The following RAI1 variants were observed in gnomAD, a reference collection of about 807,000 sequenced individuals.
RAI1 encodes retinoic acid-induced protein 1.
RAI1 carries 9 observed loss-of-function variants against 123.8 expected under a neutral mutation model. The observed-to-expected ratio is 0.07, with a 90% CI of 0.04 to 0.13. The LOEUF is 0.13. RAI1 is among the 10% of genes least tolerant of loss of function. The pLI, the probability that RAI1 is intolerant of heterozygous loss-of-function variation, is 1.00. For missense variants in RAI1, 2,256 were observed against 2,545.8 expected, an observed-to-expected ratio of 0.89 and a Z score of 2.45; for synonymous variants, 1,231 against 1,127.3, an observed-to-expected ratio of 1.09 and a Z score of -1.84.
chr17:17,695,047 G>A (rs755863713), intron 1 of RAI1, among the ~76,000 whole-genome samples: 12 of 152,148 alleles, frequency 7.9e-5, no homozygotes, highest in Non-Finnish European at 1.3e-4. Context: ...TACCGAGCCC[G>A]GCAACCCCAC....
At position 17,750,546 on chromosome 17, in the gene RAI1, A is replaced by ATC. The variant is rs1336777333; in HGVS notation, c.-17+26387_-17+26388insTC. On this transcript the variant is annotated intron_variant, in intron 2 of 5. Coordinates refer to ENST00000353383, the MANE Select transcript of RAI1 (RefSeq NM_030665.4). ...AGACCAGCCTAACCAACATGGAGAA[A>ATC]CCTTGTCTCTACTAAAAATACAAAA... Among the ~76,000 whole-genome samples the ATC allele has an allele frequency of 8.4e-3, 1,270 of 152,074 alleles. 7 individuals are homozygous for ATC. The highest frequency in any genetic ancestry group is 0.028 in the African/African-American group (1,163 of 41,460).
At chr17:17,758,305 G>T (rs575302811) in intron 2 of RAI1, among the ~76,000 whole-genome samples, 130 of 152,290 alleles carry the variant, frequency 8.5e-4, no homozygotes, top group African/African-American at 2.9e-3. Flanking sequence ...GGAGCCTTTG[G>T]CAGAGGAAAT....
rs1399270257 is a variant in RAI1 at position 17,681,671 on chromosome 17, T to C, written c.-271T>C. On this transcript the variant is annotated 5_prime_UTR_variant, in exon 1 of 6. Coordinates refer to ENST00000353383, the MANE Select transcript of RAI1 (RefSeq NM_030665.4). The stretch of plus-strand genomic sequence containing the variant: ...GAGGAGGGGGCGCCGCGGCCCACCC[T>C]CCTTCCTGCCTGGCCGCGGGCCGGC... The C allele has an allele frequency of 1.9e-5, 5 of 257,122 alleles. No individual in the cohort carries two copies. The highest frequency in any genetic ancestry group is 2.9e-5 in the Non-Finnish European group (4 of 137,606). The allele number at this position is 257,122 out of a possible 1,614,324, so 15.9% of individuals were successfully genotyped here.
chr17:17,786,022 G>A (rs945013373), intron 2 of RAI1, among the ~76,000 whole-genome samples: 1 of 152,160 alleles, frequency 6.6e-6, no homozygotes, highest in African/African-American at 2.4e-5. Context: ...CCTGATTTCT[G>A]TCTTTTTCAA....
chr17:17,744,107 C>T (rs978080834), intron 2 of RAI1, among the ~76,000 whole-genome samples: 2 of 152,232 alleles, frequency 1.3e-5, no homozygotes, highest in African/African-American at 2.4e-5. Flanking sequence ...CTGGTGCATA[C>T]GGGGACGCCT....
At chr17:17,775,636 G>C (rs188956297) in intron 2 of RAI1, among the ~76,000 whole-genome samples, 16 of 152,164 alleles carry the variant, frequency 1.1e-4, no homozygotes, top group Non-Finnish European at 2.4e-4. Flanking sequence ...GGAGACAATC[G>C]AATCTATTTA....
At chr17:17,694,994 TGAAA>T (rs1914974077) in intron 1 of RAI1, among the ~76,000 whole-genome samples, 1 of 151,974 alleles carries the variant, frequency 6.6e-6, no homozygotes, top group African/African-American at 2.4e-5. Context: ...TTGGGGATAA[TGAAA>T]GAGAGTCTGT....
At position 17,793,978 on chromosome 17, in the gene RAI1, C is replaced by T; in HGVS notation, c.1030C>T (p.His344Tyr). The T allele has an allele frequency of 6.2e-7, 1 of 1,613,944 alleles. No homozygotes were observed. Among genetic ancestry groups the T allele is most frequent in the Non-Finnish European group, 8.5e-7 (1 of 1,180,012 alleles). ...CCAGACCTTCAGCCCCAGCTCCAGCCACTCACCCGCCCGCTCCGTGGGCCG... is the reference window on the plus strand; with the variant it reads ...CCAGACCTTCAGCCCCAGCTCCAGCTACTCACCCGCCCGCTCCGTGGGCCG... ...YYQTFSPSSS[H>Y]SPARSVGRSP... Residue 344 changes from histidine to tyrosine, a missense_variant, in exon 3 of 6, where the codon CAC becomes TAC. Physicochemically the swap from His to Tyr is moderately conservative, Grantham distance 83. This residue lies in a region of RAI1 where 357 missense variants were observed against 480.2 expected (regional missense o/e 0.74). Coordinates refer to ENST00000353383, the MANE Select transcript of RAI1 (RefSeq NM_030665.4).
chr17:17,682,913 G>A (rs1361032657), intron 1 of RAI1, among the ~76,000 whole-genome samples: 3 of 152,128 alleles, frequency 2.0e-5, no homozygotes, highest in Non-Finnish European at 2.9e-5. Context: ...GCCGGTGGGG[G>A]CTGGGGGAGG....
chr17:17,806,606 C>T (rs1276284223), intron 4 of RAI1, among the ~76,000 whole-genome samples: 1 of 152,232 alleles, frequency 6.6e-6, no homozygotes, highest in Non-Finnish European at 1.5e-5. Flanking sequence ...CATTAGTTCT[C>T]AAAAGGGCGT....
At chr17:17,728,241 T>C (rs558860263) in intron 2 of RAI1, among the ~76,000 whole-genome samples, 27 of 152,112 alleles carry the variant, frequency 1.8e-4, no homozygotes, top group African/African-American at 6.0e-4. Context: ...GGCATCAGGC[T>C]TTTGTGCTGC....
chr17:17,750,990 C>T (rs2030143266), intron 2 of RAI1, among the ~76,000 whole-genome samples: 1 of 152,216 alleles, frequency 6.6e-6, no homozygotes, highest in South Asian at 2.1e-4. Flanking sequence ...TGTTTCCTTC[C>T]GCCTTCCACA....
At position 17,714,343 on chromosome 17, in the gene RAI1, C is replaced by G. The variant is rs1339421552; in HGVS notation, c.-148-9685C>G. Among the ~76,000 whole-genome samples the G allele has an allele frequency of 6.6e-6, 1 of 152,058 alleles. No individual in the cohort carries two copies. Among genetic ancestry groups the G allele is most frequent in the African/African-American group, 2.4e-5 (1 of 41,414 alleles). On this transcript the variant is annotated intron_variant, in intron 1 of 5. Coordinates refer to ENST00000353383, the MANE Select transcript of RAI1 (RefSeq NM_030665.4). The surrounding 1 kb of genome is among the most constrained non-coding windows in gnomAD (Gnocchi z 4.9). ...TGGTCATTCAGCTCTCGGGACAAAG[C>G]GTGGGTGGGCCTGTGCCCTGGTGGC...
chr17:17,729,805 G>A (rs1916211890), intron 2 of RAI1, among the ~76,000 whole-genome samples: 1 of 152,208 alleles, frequency 6.6e-6, no homozygotes, highest in African/African-American at 2.4e-5. Flanking sequence ...CTTTCTAGGA[G>A]ACAGTCTGGG....
At chr17:17,732,598 C>G (rs749429852) in intron 2 of RAI1, among the ~76,000 whole-genome samples, 72 of 152,160 alleles carry the variant, frequency 4.7e-4, no homozygotes, top group Non-Finnish European at 5.4e-4. Context: ...CCCAACTGAG[C>G]CTGTTCTCAT....
chr17:17,686,608 T>TGTGTGTGCGCGC lies in RAI1; in HGVS notation c.-149+4816_-149+4817insTGTGTGCGCGCG, dbSNP rs1491248703. Among the ~76,000 whole-genome samples, 108 of 137,852 alleles carry TGTGTGTGCGCGC rather than the reference T, an allele frequency of 7.8e-4. 1 individual carries two copies. Among genetic ancestry groups the TGTGTGTGCGCGC allele is most frequent in the Middle Eastern group, 3.6e-3 (1 of 276 alleles). The allele number at this position is 137,852 out of a possible 152,430, so 90.4% of individuals were successfully genotyped here. A position where few individuals can be genotyped will look rare whatever the true frequency, so the allele number is the denominator to read the frequency against. Reference sequence around the variant, plus strand: ...GTGTGTGTGTGTGTGTGTGTGTGTGTGCACGCGCGCGCCGGGGAGGGGAGA... The same window carrying TGTGTGTGCGCGC: ...GTGTGTGTGTGTGTGTGTGTGTGTGTGTGTGTGCGCGCGCACGCGCGCGCCGGGGAGGGGAGA... On this transcript the variant is annotated intron_variant, in intron 1 of 5. Coordinates refer to ENST00000353383, the MANE Select transcript of RAI1 (RefSeq NM_030665.4).
chr17:17,800,930 C>T lies in RAI1; in HGVS notation c.5565+2417C>T, dbSNP rs1340110192. On this transcript the variant is annotated intron_variant, in intron 3 of 5. Coordinates refer to ENST00000353383, the MANE Select transcript of RAI1 (RefSeq NM_030665.4). This position sits in a 1 kb window ranked among gnomAD's most constrained non-coding sequence, Gnocchi z 4.7. ...CGAGTCACGCATGCTCTGAGAACTC[C>T]ACAATGTCAAACCCCGTTAGCAGGA... 6.6e-6 allele frequency among the ~76,000 whole-genome samples: 1 copy of T among 152,218 alleles called. No homozygotes were observed. Among genetic ancestry groups the T allele is most frequent in the Non-Finnish European group, 1.5e-5 (1 of 68,036 alleles).
rs767218908 is a variant in RAI1, at chr17:17,798,193, G to T, written c.5245G>T (p.Ala1749Ser). The change falls in exon 3 of 6, where the codon GCC becomes TCC. Residue 1749 changes from alanine (A) to serine (S), a missense_variant. Coordinates refer to ENST00000353383, the MANE Select transcript of RAI1 (RefSeq NM_030665.4). ...TLKGPECAAAATAGKPPRPDG... is the reference protein window; with the variant it reads ...TLKGPECAAASTAGKPPRPDG... Reference sequence around the variant, plus strand: ...CAAAGGTCCCGAGTGTGCAGCTGCCGCCACTGCCGGGAAGCCCCCCAGGCC... The same window carrying T: ...CAAAGGTCCCGAGTGTGCAGCTGCCTCCACTGCCGGGAAGCCCCCCAGGCC... 3 of 1,612,650 alleles carry T rather than the reference G, an allele frequency of 1.9e-6. No individual in the cohort carries two copies. The highest frequency in any genetic ancestry group is 1.1e-5 in the South Asian group (1 of 91,042).
intron 1 of RAI1, among the ~76,000 whole-genome samples, chr17:17,701,618 C>G (rs552206815): frequency 6.6e-6 from 1 of 152,072 alleles, no homozygotes; most frequent in Non-Finnish European, 1.5e-5. Context: ...CTTTGAAGAC[C>G]GCATCTTGCT....
Sources: allele counts gnomAD v4.1 joint callset (sites outside exome capture counted in the v4.1 genomes callset), GRCh38; gene constraint gnomAD v4.1.1; regional missense constraint gnomAD v4.1.1; non-coding constraint Gnocchi (gnomAD v3.1); transcripts MANE v1.5; gene names NCBI Gene and HGNC (gene_info 2026-07-23, HGNC 2026-07-21).